CHST2: variants seen among roughly 807,000 people sequenced by gnomAD.
CHST2 encodes carbohydrate sulfotransferase 2, also known as N-acetylglucosamine 6-O-sulfotransferase 1.
CHST2 carries 23 observed loss-of-function variants against 34.6 expected under a neutral mutation model. That is an observed-to-expected ratio of 0.67 (90% CI 0.48 to 0.94). The LOEUF (loss-of-function observed/expected upper bound fraction) is 0.94, where lower values mean the gene tolerates loss of function less well. Among genes scored for constraint, CHST2 ranks in the 40% least tolerant of loss-of-function variants. The pLI, the probability that CHST2 is intolerant of heterozygous loss-of-function variation, is 0.00. For synonymous variants in CHST2, 392 were observed against 343.1 expected (o/e 1.14, Z -1.58); for missense variants, 720 against 759.5 (o/e 0.95, Z 0.61).
Position 143,121,598 on chromosome 3 carries a change from C to T in CHST2, c.782C>T (p.Ser261Leu). ...GCCACCAACAAGGTGGTGTGCTCGT[C>T]ACCACTCTGCCCCGCCTACCGCAAG... ...GAATNKVVCS[S>L]PLCPAYRKEV... Residue 261 changes from serine (S) to leucine (L), a missense_variant, in exon 2 of 2, where the codon TCA becomes TTA. Coordinates refer to ENST00000309575, the MANE Select transcript of CHST2 (RefSeq NM_004267.5). The T allele has an allele frequency of 1.2e-6, 2 of 1,603,680 alleles. No individual in the cohort carries two copies. The highest frequency in any genetic ancestry group is 1.7e-6 in the Non-Finnish European group (2 of 1,173,840).
rs1936249159 is a variant in CHST2, at chr3:143,122,738, C to A, written c.*329C>A. 2 of 214,976 alleles carry A rather than the reference C, an allele frequency of 9.3e-6. No individual in the cohort carries two copies. Among genetic ancestry groups the A allele is most frequent in the East Asian group, 1.2e-4 (1 of 8,620 alleles). The allele number at this position is 214,976 out of a possible 1,614,324, so 13.3% of individuals were successfully genotyped here. A position where few individuals can be genotyped will look rare whatever the true frequency, so the allele number is the denominator to read the frequency against. On this transcript the variant is annotated 3_prime_UTR_variant, in exon 2 of 2. Transcript: ENST00000309575. ...TTTTGAAGTGGGATGTTAATGAAAT[C>A]AAGTTCCAGTAACCCAAATCTTGTT...
rs1219136856 is a variant in CHST2, at chr3:143,121,934, G to A, written c.1118G>A (p.Gly373Asp). ...AHRMPFLEAA[G>D]HKLGAKKEGV... Reference sequence around the variant, plus strand: ...CGCATGCCCTTCTTGGAGGCCGCGGGCCACAAGCTTGGCGCCAAGAAGGAG... The same window carrying A: ...CGCATGCCCTTCTTGGAGGCCGCGGACCACAAGCTTGGCGCCAAGAAGGAG... The change falls in exon 2 of 2, where the codon GGC (glycine) becomes GAC (aspartate). Residue 373 changes from glycine to aspartate, a missense_variant. Around this residue, in one of 4 missense-constraint regions of CHST2, gnomAD observed 224 missense variants for 227.8 expected, o/e 0.98. Transcript: ENST00000309575. 20 of 1,580,030 alleles carry A rather than the reference G, an allele frequency of 1.3e-5. No individual in the cohort carries two copies. Among genetic ancestry groups the A allele is most frequent in the Admixed American group, 1.8e-5 (1 of 55,632 alleles).
rs774459812 is a variant in CHST2 at position 143,121,689 on chromosome 3, CGAG to C, written c.880_882del (p.Glu294del). ...GCCCGCCACAGCGCCTGGCGCGTTT[CGAG>C]GAGGAGTGCCGCAAGTACCGCACAC... On this transcript the variant is annotated inframe_deletion, in exon 2 of 2. Transcript: ENST00000309575. 10 of 1,579,286 alleles carry C rather than the reference CGAG, an allele frequency of 6.3e-6. No individual in the cohort carries two copies. Among genetic ancestry groups the C allele is most frequent in the South Asian group, 2.3e-5 (2 of 88,150 alleles).
rs1936216795 is a variant in CHST2, at chr3:143,121,443, C to G, written c.627C>G (p.Ala209=). Residue 209 remains alanine, a synonymous_variant, in exon 2 of 2, where the codon GCC becomes GCG. Coordinates refer to ENST00000309575, the MANE Select transcript of CHST2 (RefSeq NM_004267.5). ...HVWQKLYPGD[A]VSLQGAARDM... is the part of the protein sequence containing the mutation. ...GGCAAAAACTGTATCCGGGGGACGC[C>G]GTTTCCCTGCAGGGGGCAGCGCGGG... 1.2e-6 allele frequency: 2 copies of G among 1,613,730 alleles called. No homozygotes were observed. The highest frequency in any genetic ancestry group is 2.2e-5 in the East Asian group (1 of 44,852).
In CHST2 at chr3:143,121,908, C is replaced by G. The variant is rs765363089; in HGVS notation, c.1092C>G (p.His364Gln). 6.3e-7 allele frequency: 1 copy of G among 1,578,674 alleles called. No individual in the cohort carries two copies. The highest frequency in any genetic ancestry group is 8.6e-7 in the Non-Finnish European group (1 of 1,161,178). ...TGCGCAGCCGAGACCCGCGAGCTCACCGCATGCCCTTCTTGGAGGCCGCGG... is the reference window on the plus strand; with the variant it reads ...TGCGCAGCCGAGACCCGCGAGCTCAGCGCATGCCCTTCTTGGAGGCCGCGG... ...QVVRSRDPRA[H>Q]RMPFLEAAGH... The change falls in exon 2 of 2, where the codon CAC becomes CAG. Residue 364 changes from histidine to glutamine, a missense_variant. His to Gln is a conservative substitution (Grantham distance 24). Coordinates refer to ENST00000309575, the MANE Select transcript of CHST2 (RefSeq NM_004267.5).
chr3:143,121,498 C>G lies in CHST2; in HGVS notation c.682C>G (p.Leu228Val). The change falls in exon 2 of 2, where the codon CTC becomes GTC. Residue 228 changes from leucine to valine, a missense_variant. By Grantham distance (32) the Leu-to-Val change is conservative. This residue lies in a region of CHST2 where 166 missense variants were observed against 211.4 expected (regional missense o/e 0.79). Transcript: ENST00000309575. ...GCTGAGCGCTCTTTACCGCTGCGAC[C>G]TCTCTGTCTTCCAGTTGTATAGCCC... Reference protein sequence around the residue: ...DMLSALYRCDLSVFQLYSPAG... With the variant: ...DMLSALYRCDVSVFQLYSPAG... The G allele has an allele frequency of 6.2e-7, 1 of 1,612,074 alleles. No individual in the cohort carries two copies. Among genetic ancestry groups the G allele is most frequent in the South Asian group, 1.1e-5 (1 of 90,960 alleles).
chr3:143,122,537 T>TCA lies in CHST2; in HGVS notation c.*138_*139dup, dbSNP rs1166947450. 3 of 918,244 alleles carry TCA rather than the reference T, an allele frequency of 3.3e-6. No individual in the cohort carries two copies. The highest frequency in any genetic ancestry group is 4.7e-6 in the Non-Finnish European group (3 of 637,988). The allele number at this position is 918,244 out of a possible 1,614,324, so 56.9% of individuals were successfully genotyped here. A position where few individuals can be genotyped will look rare whatever the true frequency, so the allele number is the denominator to read the frequency against. ...TATTCTATTATAGATATATAAATAATCACACACACACTTGCTGTCAATGTT... is the reference window on the plus strand; with the variant it reads ...TATTCTATTATAGATATATAAATAATCACACACACACACTTGCTGTCAATGTT... On this transcript the variant is annotated 3_prime_UTR_variant, in exon 2 of 2. Coordinates refer to ENST00000309575, the MANE Select transcript of CHST2 (RefSeq NM_004267.5).
Position 143,121,917 on chromosome 3 carries a change from C to T in CHST2, c.1101C>T (p.Pro367=), listed in dbSNP as rs551441458. 14 of 1,578,766 alleles carry T rather than the reference C, an allele frequency of 8.9e-6. No homozygotes were observed. Among genetic ancestry groups the T allele is most frequent in the Non-Finnish European group, 1.1e-5 (13 of 1,161,430 alleles). The change falls in exon 2 of 2, where the codon CCC becomes CCT. Residue 367 remains proline (P), a synonymous_variant. Coordinates refer to ENST00000309575, the MANE Select transcript of CHST2 (RefSeq NM_004267.5). ...RSRDPRAHRM[P]FLEAAGHKLG... is the part of the protein sequence containing the mutation. ...GAGACCCGCGAGCTCACCGCATGCC[C>T]TTCTTGGAGGCCGCGGGCCACAAGC...
Position 143,119,882 on chromosome 3 carries a change from T to C in CHST2, c.-833T>C, listed in dbSNP as rs1410246442. 2.6e-5 allele frequency: 4 copies of C among 152,456 alleles called. No homozygotes were observed. In the East Asian group the frequency reaches 7.7e-4, roughly 30 times the overall value. 9.4% of individuals were successfully genotyped at this position (152,456 alleles called of 1,614,324 possible). A position where few individuals can be genotyped will look rare whatever the true frequency, so the allele number is the denominator to read the frequency against. On this transcript the variant is annotated 5_prime_UTR_variant, in exon 1 of 2. Coordinates refer to ENST00000309575, the MANE Select transcript of CHST2 (RefSeq NM_004267.5). ...GGCGGCGGCTGCGGCGGGGTCTTTC[T>C]TTGCTTAAATACCTCGTTGGCCAGA...
Position 143,120,622 on chromosome 3 carries a change from C to A in CHST2, c.-173-22C>A. The A allele has an allele frequency of 2.9e-6, 1 of 348,496 alleles. No individual in the cohort carries two copies. The highest frequency in any genetic ancestry group is 4.8e-6 in the Non-Finnish European group (1 of 206,674). 21.6% of individuals were successfully genotyped at this position (348,496 alleles called of 1,614,324 possible). A position where few individuals can be genotyped will look rare whatever the true frequency, so the allele number is the denominator to read the frequency against. On this transcript the variant is annotated intron_variant, in intron 1 of 1. Coordinates refer to ENST00000309575, the MANE Select transcript of CHST2 (RefSeq NM_004267.5). This position sits in a 1 kb window ranked among gnomAD's most constrained non-coding sequence, Gnocchi z 4.1. Reference sequence around the variant, plus strand: ...TGGGAGGGAGATTGGGGCGCATCCGCTCACTCCGCTTCCCCTCGCAGGTCC... The same window carrying A: ...TGGGAGGGAGATTGGGGCGCATCCGATCACTCCGCTTCCCCTCGCAGGTCC...
In CHST2 at chr3:143,121,363, C is replaced by A; in HGVS notation, c.547C>A (p.Leu183Ile). 6.2e-7 allele frequency: 1 copy of A among 1,613,662 alleles called. No individual in the cohort carries two copies. The highest frequency in any genetic ancestry group is 2.2e-5 in the East Asian group (1 of 44,850). Residue 183 changes from leucine (L) to isoleucine (I), a missense_variant, in exon 2 of 2, where the codon CTA becomes ATA. By Grantham distance (5) the Leu-to-Ile change is conservative. Coordinates refer to ENST00000309575, the MANE Select transcript of CHST2 (RefSeq NM_004267.5). ...WRSGSSFFGE[L>I]FNQNPEVFFL... is the part of the protein sequence containing the mutation. The stretch of plus-strand genomic sequence containing the variant: ...CTCTGGCTCGTCGTTCTTCGGCGAG[C>A]TATTCAACCAGAATCCCGAGGTGTT...
rs770246299 is a variant in CHST2 at position 143,121,932 on chromosome 3, G to A, written c.1116G>A (p.Ala372=). Residue 372 remains alanine, a synonymous_variant, in exon 2 of 2, where the codon GCG becomes GCA. Coordinates refer to ENST00000309575, the MANE Select transcript of CHST2 (RefSeq NM_004267.5). ...ACCGCATGCCCTTCTTGGAGGCCGC[G>A]GGCCACAAGCTTGGCGCCAAGAAGG... ...RAHRMPFLEA[A]GHKLGAKKEG... 11 of 1,579,676 alleles carry A rather than the reference G, an allele frequency of 7.0e-6. No individual in the cohort carries two copies. The highest frequency in any genetic ancestry group is 1.2e-5 in the South Asian group (1 of 86,442).
Position 143,121,074 on chromosome 3 carries a change from C to A in CHST2, c.258C>A (p.Cys86Ter). ...GGCACAAGGAGCCGCTGCAGCAGTG[C>A]AACCCCGATGGGCCGCTGGGTGCCG... Reference protein sequence around the residue: ...YKWHKEPLQQCNPDGPLGAAA... With the variant: ...YKWHKEPLQQ The change falls in exon 2 of 2, where the codon TGC becomes TGA. Residue 86 changes from cysteine to a stop codon, truncating the protein, a stop_gained. Coordinates refer to ENST00000309575, the MANE Select transcript of CHST2 (RefSeq NM_004267.5). LOFTEE classifies it high-confidence loss of function. 1 of 1,511,916 alleles carries A rather than the reference C, an allele frequency of 6.6e-7. No individual in the cohort carries two copies. The highest frequency in any genetic ancestry group is 8.8e-7 in the Non-Finnish European group (1 of 1,132,676). The allele number at this position is 1,511,916 out of a possible 1,614,324, so 93.7% of individuals were successfully genotyped here.
Position 143,121,126 on chromosome 3 carries a change from G to A in CHST2, c.310G>A (p.Gly104Arg). ...AGCGGGGGCAGCCGGAGGCAGCTGG[G>A]GGCGCCCAGGGCCGCCTCCGGCCGG... ...AAAGAAGGSW[G>R]RPGPPPAGPP... The change falls in exon 2 of 2, where the codon GGG (glycine) becomes AGG (arginine). Residue 104 changes from glycine to arginine, a missense_variant. Physicochemically the swap from Gly to Arg is moderately radical, Grantham distance 125. Coordinates refer to ENST00000309575, the MANE Select transcript of CHST2 (RefSeq NM_004267.5). 1 of 1,462,396 alleles carries A rather than the reference G, an allele frequency of 6.8e-7. No homozygotes were observed. Among genetic ancestry groups the A allele is most frequent in the Non-Finnish European group, 9.0e-7 (1 of 1,117,120 alleles). The allele number at this position is 1,462,396 out of a possible 1,614,324, so 90.6% of individuals were successfully genotyped here. A position where few individuals can be genotyped will look rare whatever the true frequency, so the allele number is the denominator to read the frequency against.
At position 143,121,039 on chromosome 3, in the gene CHST2, G is replaced by T; in HGVS notation, c.223G>T (p.Asp75Tyr). The change falls in exon 2 of 2, where the codon GAC becomes TAC. Residue 75 changes from aspartate (D) to tyrosine (Y), a missense_variant. Coordinates refer to ENST00000309575, the MANE Select transcript of CHST2 (RefSeq NM_004267.5). Reference sequence around the variant, plus strand: ...GGTGCTCACTATGCTCAACCTCCTGGACTACAAGTGGCACAAGGAGCCGCT... The same window carrying T: ...GGTGCTCACTATGCTCAACCTCCTGTACTACAAGTGGCACAAGGAGCCGCT... ...LLVLTMLNLL[D>Y]YKWHKEPLQQ... 2 of 1,527,178 alleles carry T rather than the reference G, an allele frequency of 1.3e-6. No homozygotes were observed. Among genetic ancestry groups the T allele is most frequent in the South Asian group, 1.2e-5 (1 of 81,254 alleles). The allele number at this position is 1,527,178 out of a possible 1,614,324, so 94.6% of individuals were successfully genotyped here. A position where few individuals can be genotyped will look rare whatever the true frequency, so the allele number is the denominator to read the frequency against.
In CHST2 at chr3:143,121,576, A is replaced by T; in HGVS notation, c.760A>T (p.Thr254Ser). 6.2e-7 allele frequency: 1 copy of T among 1,609,412 alleles called. No homozygotes were observed. Among genetic ancestry groups the T allele is most frequent in the Non-Finnish European group, 8.5e-7 (1 of 1,177,550 alleles). Residue 254 changes from threonine to serine, a missense_variant, in exon 2 of 2, where the codon ACC (threonine) becomes TCC (serine). Physicochemically the swap from Thr to Ser is moderately conservative, Grantham distance 58. This residue lies in a region of CHST2 where 166 missense variants were observed against 211.4 expected (regional missense o/e 0.79). Transcript: ENST00000309575. ...CACGCTGGGCATCTTCGGCGCAGCC[A>T]CCAACAAGGTGGTGTGCTCGTCACC... ...LTTLGIFGAA[T>S]NKVVCSSPLC...
In CHST2 at chr3:143,121,847, C is replaced by G. The variant is rs368667142; in HGVS notation, c.1031C>G (p.Ser344Trp). ...PRAVASSRIR[S>W]RHGLIRESLQ... ...GCGGTGGCGAGTTCACGGATCCGCT[C>G]GCGCCACGGCCTCATCCGTGAGAGC... Residue 344 changes from serine (S) to tryptophan (W), a missense_variant, in exon 2 of 2, where the codon TCG becomes TGG. By Grantham distance (177) the Ser-to-Trp change is radical. Around this residue, in one of 4 missense-constraint regions of CHST2, gnomAD observed 166 missense variants for 211.4 expected, o/e 0.79. Transcript: ENST00000309575. The G allele has an allele frequency of 6.3e-7, 1 of 1,585,966 alleles. No individual in the cohort carries two copies. The highest frequency in any genetic ancestry group is 1.7e-5 in the Admixed American group (1 of 58,414).
chr3:143,122,254 G>T lies in CHST2; in HGVS notation c.1438G>T (p.Ala480Ser). 1 of 1,614,114 alleles carries T rather than the reference G, an allele frequency of 6.2e-7. No homozygotes were observed. Among genetic ancestry groups the T allele is most frequent in the Non-Finnish European group, 8.5e-7 (1 of 1,180,026 alleles). ...ATCTGCACGCAATGCCACGCAGGCC[G>T]CCAATGCCTGGCGGACCGCCCTCAC... The part of the protein sequence containing the change: ...VVSARNATQA[A>S]NAWRTALTFQ... The change falls in exon 2 of 2, where the codon GCC becomes TCC. Residue 480 changes from alanine to serine, a missense_variant. Physicochemically the swap from Ala to Ser is moderately conservative, Grantham distance 99 (BLOSUM62 1). Transcript: ENST00000309575.
In CHST2 at chr3:143,120,658, C is replaced by G. The variant is rs1317046217; in HGVS notation, c.-159C>G. The G allele has an allele frequency of 5.2e-5, 29 of 561,094 alleles. No individual in the cohort carries two copies. The highest frequency in any genetic ancestry group is 6.5e-5 in the Non-Finnish European group (26 of 397,242). The allele number at this position is 561,094 out of a possible 1,614,324, so 34.8% of individuals were successfully genotyped here. A position where few individuals can be genotyped will look rare whatever the true frequency, so the allele number is the denominator to read the frequency against. Reference sequence around the variant, plus strand: ...TCCCCTCGCAGGTCCTACCCGGAGCCGCTGCCATGGGAGAGCCAGCCTTGG... The same window carrying G: ...TCCCCTCGCAGGTCCTACCCGGAGCGGCTGCCATGGGAGAGCCAGCCTTGG... On this transcript the variant is annotated 5_prime_UTR_variant, in exon 2 of 2. Transcript: ENST00000309575. This position sits in a 1 kb window ranked among gnomAD's most constrained non-coding sequence, Gnocchi z 4.1.
Sources: allele counts gnomAD v4.1 joint callset, GRCh38; gene constraint gnomAD v4.1.1; regional missense constraint gnomAD v4.1.1; non-coding constraint Gnocchi (gnomAD v3.1); transcripts MANE v1.5; gene names NCBI Gene and HGNC (gene_info 2026-07-23, HGNC 2026-07-21).